The following TNS3 variants were observed in gnomAD, a reference collection of about 807,000 sequenced individuals.
TNS3 encodes the protein tensin 3, also known as tensin-3.
A neutral mutation model predicts 140.9 loss-of-function variants in TNS3; 45 were observed. The observed-to-expected ratio is 0.32, with a 90% CI of 0.25 to 0.41. The LOEUF is 0.41. Ranked by LOEUF, TNS3 falls within the 10% of genes least tolerant of loss-of-function variation. TNS3 has a pLI of 1.00. For missense variants in TNS3, 1,716 were observed against 1,906.7 expected (o/e 0.90, Z 1.86); for synonymous variants, 815 against 788.4 (o/e 1.03, Z -0.56).
chr7:47,315,060 G>C (rs1787315585), intron 20 of TNS3, among the ~76,000 whole-genome samples: 2 of 152,224 alleles, frequency 1.3e-5, no homozygotes, highest in African/African-American at 4.8e-5. Context: ...GGCCACACAG[G>C]GATGCTGTTT....
chr7:47,565,756 A>G lies in TNS3; in HGVS notation c.-265+16295T>C, dbSNP rs557553510. Among the ~76,000 whole-genome samples, 16 of 152,276 alleles carry G rather than the reference A, an allele frequency of 1.1e-4. No individual in the cohort carries two copies. In the South Asian group the frequency reaches 3.1e-3, roughly 30 times the overall value. ...ATGCTGAAAATACGCACAAATTTAC[A>G]CTAGTTAACACCAACCTCGCTTTCC... On this transcript the variant is annotated intron_variant, in intron 1 of 30. Coordinates refer to ENST00000311160, the MANE Select transcript of TNS3 (RefSeq NM_022748.12).
chr7:47,419,226 G>A (rs952950637), intron 10 of TNS3, among the ~76,000 whole-genome samples: 3 of 152,252 alleles, frequency 2.0e-5, no homozygotes, highest in Non-Finnish European at 2.9e-5. Context: ...CAGAGTGTAG[G>A]TGGCTTTGCC....
At chr7:47,385,266 T>G (rs1792009281) in intron 16 of TNS3, among the ~76,000 whole-genome samples, 1 of 152,144 alleles carries the variant, frequency 6.6e-6, no homozygotes, top group Admixed American at 6.5e-5. Flanking sequence ...AAGCCCCCAC[T>G]CTTGGCTTCA....
At chr7:47,580,702 GA>G (rs1227356947) in intron 1 of TNS3, among the ~76,000 whole-genome samples, 1 of 151,322 alleles carries the variant, frequency 6.6e-6, no homozygotes, top group African/African-American at 2.4e-5. Flanking sequence ...GCCCCAAAGA[GA>G]GAAGAACCAG....
At chr7:47,315,571 C>G (rs554439699) in intron 20 of TNS3, among the ~76,000 whole-genome samples, 1 of 152,348 alleles carries the variant, frequency 6.6e-6, no homozygotes, top group Admixed American at 6.5e-5. Flanking sequence ...TCTCCAACGG[C>G]CACTATTTAC....
At chr7:47,380,902 G>T (rs1791716302) in intron 16 of TNS3, among the ~76,000 whole-genome samples, 1 of 152,234 alleles carries the variant, frequency 6.6e-6, no homozygotes, top group African/African-American at 2.4e-5. Context: ...CATGCCAGAG[G>T]AGGGCGGGGG....
intron 3 of TNS3, among the ~76,000 whole-genome samples, chr7:47,497,839 C>A (rs1218980414): frequency 6.6e-6 from 1 of 152,206 alleles, no homozygotes; most frequent in Non-Finnish European, 1.5e-5. Flanking sequence ...GGGCTCCCCA[C>A]CCTGGTCTAT....
At chr7:47,384,356 A>C (rs1482295939) in intron 16 of TNS3, among the ~76,000 whole-genome samples, 1 of 152,186 alleles carries the variant, frequency 6.6e-6, no homozygotes, top group Non-Finnish European at 1.5e-5. Flanking sequence ...TTCTCTCTGG[A>C]AACTGGTACC....
chr7:47,558,243 A>G lies in TNS3; in HGVS notation c.-265+23808T>C, dbSNP rs149261741. On this transcript the variant is annotated intron_variant, in intron 1 of 30. Transcript: ENST00000311160. ...TGCCGTCCTGATAAGAGCAAGCTAC[A>G]GCAAGCCGGTGCCGAGGAGGATCAA... Among the ~76,000 whole-genome samples the G allele has an allele frequency of 5.3e-5, 8 of 152,336 alleles. No homozygotes were observed. The East Asian group carries it at 1.5e-3, about 29-fold the overall frequency.
intron 20 of TNS3, among the ~76,000 whole-genome samples, chr7:47,341,211 G>A (rs1486515725): frequency 6.6e-6 from 1 of 152,046 alleles, no homozygotes; most frequent in Non-Finnish European, 1.5e-5. Context: ...TTCTTTTTCT[G>A]TTCTTTTTGC....
At chr7:47,298,653 G>T (rs923367555) in intron 23 of TNS3, among the ~76,000 whole-genome samples, 1 of 152,246 alleles carries the variant, frequency 6.6e-6, no homozygotes, top group African/African-American at 2.4e-5. Context: ...CGCAGAACAT[G>T]AACCAGTAAG....
Position 47,303,250 on chromosome 7 carries a change from T to C in TNS3, c.3157A>G (p.Ile1053Val). ...NSHGASPTPS[I>V]PLTATGAADN... Reference sequence around the variant, plus strand: ...GCAGCCCCTGTCGCTGTCAGCGGGATGCTGGGGGTCGGTGACGCTCCATGA... The same window carrying C: ...GCAGCCCCTGTCGCTGTCAGCGGGACGCTGGGGGTCGGTGACGCTCCATGA... Residue 1053 changes from isoleucine to valine, a missense_variant, in exon 22 of 31, where the codon ATC (isoleucine) becomes GTC (valine). Ile to Val is a conservative substitution (Grantham distance 29). Transcript: ENST00000311160. 1 of 1,613,692 alleles carries C rather than the reference T, an allele frequency of 6.2e-7. No individual in the cohort carries two copies. Among genetic ancestry groups the C allele is most frequent in the Non-Finnish European group, 8.5e-7 (1 of 1,179,990 alleles).
chr7:47,419,316 G>A (rs539007455), intron 10 of TNS3, among the ~76,000 whole-genome samples: 13 of 152,336 alleles, frequency 8.5e-5, no homozygotes, highest in South Asian at 4.1e-4. Flanking sequence ...CCCTTTTTCC[G>A]CAGGCTGTGG....
At chr7:47,479,450 C>T (rs1212980352) in intron 4 of TNS3, among the ~76,000 whole-genome samples, 3 of 152,128 alleles carry the variant, frequency 2.0e-5, no homozygotes. Flanking sequence ...CAACTACAAA[C>T]ACAGGCTCCC....
At position 47,361,213 on chromosome 7, in the gene TNS3, A is replaced by AAAAAAAAAAAAAC. The variant is rs1425449483; in HGVS notation, c.2281+7151_2281+7152insGTTTTTTTTTTTT. On this transcript the variant is annotated intron_variant, in intron 17 of 30. Transcript: ENST00000311160. ...GTAAGACAGTAACCATGCCAAAAAA[A>AAAAAAAAAAAAAC]AAAAAAAAAAACAAGCAAGGGCCCA... 2.1e-5 allele frequency among the ~76,000 whole-genome samples: 3 copies of AAAAAAAAAAAAAC among 145,782 alleles called. No homozygotes were observed. In the Admixed American group the frequency reaches 2.1e-4, roughly 10 times the overall value.
intron 2 of TNS3, among the ~76,000 whole-genome samples, chr7:47,525,577 C>T (rs926168483): frequency 2.6e-5 from 4 of 152,176 alleles, no homozygotes; most frequent in East Asian, 1.9e-4. Flanking sequence ...AGATAATGGA[C>T]GTCATAGAGC....
chr7:47,475,697 G>A (rs1057420979), intron 4 of TNS3, among the ~76,000 whole-genome samples: 12 of 152,220 alleles, frequency 7.9e-5, no homozygotes, highest in African/African-American at 2.7e-4. Context: ...CTTGCAGAGT[G>A]TATGAAGGTA....
intron 16 of TNS3, among the ~76,000 whole-genome samples, chr7:47,383,070 G>C (rs1389183967): frequency 1.3e-5 from 2 of 152,220 alleles, no homozygotes; most frequent in African/African-American, 4.8e-5. Flanking sequence ...TAGTGGGAAA[G>C]ATTAGAGGTA....
chr7:47,477,214 G>A (rs1253556744), intron 4 of TNS3, among the ~76,000 whole-genome samples: 2 of 152,170 alleles, frequency 1.3e-5, no homozygotes, highest in East Asian at 3.8e-4. Context: ...ATTAGGCCCA[G>A]GGGTTTCAAA....
Sources: allele counts gnomAD v4.1 joint callset (sites outside exome capture counted in the v4.1 genomes callset), GRCh38; gene constraint gnomAD v4.1.1; transcripts MANE v1.5; gene names NCBI Gene and HGNC (gene_info 2026-07-23, HGNC 2026-07-21).